The following GRIK1 variants were observed in gnomAD, a reference collection of about 807,000 sequenced individuals.
The protein encoded by GRIK1 is glutamate ionotropic receptor kainate type subunit 1.
Under a neutral mutation model 105.7 loss-of-function variants are expected in GRIK1, and 69 were observed. The ratio of observed to expected loss-of-function variants is 0.65; its 90% confidence interval spans 0.54 to 0.80. The LOEUF is 0.80. Ranked by LOEUF, GRIK1 falls within the 30% of genes least tolerant of loss-of-function variation. GRIK1 has a pLI of 0.00. For synonymous variants in GRIK1, 438 were observed against 431.3 expected (o/e 1.02, Z -0.19); for missense variants, 1,109 against 1,167.3 (o/e 0.95, Z 0.73).
chr21:29,725,087 C>T (rs917641310), intron 1 of GRIK1, among the ~76,000 whole-genome samples: 2 of 151,760 alleles, frequency 1.3e-5, no homozygotes, highest in African/African-American at 4.8e-5. Flanking sequence ...TGAGAGTCCA[C>T]TCAGTCAACG....
chr21:29,919,728 T>C (rs1213315045), intron 1 of GRIK1, among the ~76,000 whole-genome samples: 1 of 152,148 alleles, frequency 6.6e-6, no homozygotes, highest in Non-Finnish European at 1.5e-5. Flanking sequence ...TATTTTTAAA[T>C]GACTTCTGTA....
chr21:29,737,252 T>C (rs1188646772), intron 1 of GRIK1, among the ~76,000 whole-genome samples: 1 of 152,216 alleles, frequency 6.6e-6, no homozygotes, highest in Non-Finnish European at 1.5e-5. Context: ...CTCTAACATT[T>C]CTGCTTGAAG....
In GRIK1 at chr21:29,753,561, G is replaced by C. The variant is rs937637332; in HGVS notation, c.119-59498C>G. 2.6e-5 allele frequency among the ~76,000 whole-genome samples: 4 copies of C among 152,274 alleles called. No individual in the cohort carries two copies. In the East Asian group the frequency reaches 7.7e-4, roughly 29 times the overall value. ...TTAGCTACCATAAAATTGTCCCTGT[G>C]AAACCACAGAAAATTTTACCAACTC... On this transcript the variant is annotated intron_variant, in intron 1 of 17. Transcript: ENST00000327783.
intron 1 of GRIK1, among the ~76,000 whole-genome samples, chr21:29,707,194 T>C (rs1212425781): frequency 6.6e-6 from 1 of 152,134 alleles, no homozygotes; most frequent in Non-Finnish European, 1.5e-5. Context: ...CTGGTGTGTC[T>C]GATGTGTGTG....
At chr21:29,537,763 G>T (rs201946097) in intron 17 of GRIK1, 35 bp downstream of exon 17, 2 of 959,082 alleles carry the variant, frequency 2.1e-6, no homozygotes, top group Admixed American at 1.7e-5. Flanking sequence ...CAAGGCATAC[G>T]GACACTTCAG....
intron 1 of GRIK1, among the ~76,000 whole-genome samples, chr21:29,937,504 T>C (rs1353898811): frequency 1.3e-5 from 2 of 152,250 alleles, no homozygotes; most frequent in African/African-American, 4.8e-5. Flanking sequence ...ACGTAGATGA[T>C]TGTGATTGCT....
intron 16 of GRIK1, among the ~76,000 whole-genome samples, chr21:29,549,835 G>A (rs1384686021): frequency 3.3e-5 from 5 of 151,966 alleles, no homozygotes; most frequent in Non-Finnish European, 5.9e-5. Context: ...GGCTGGGCGC[G>A]GAGGCTTATG....
intron 1 of GRIK1, among the ~76,000 whole-genome samples, chr21:29,922,120 A>G (rs1395267658): frequency 6.6e-6 from 1 of 152,150 alleles, no homozygotes; most frequent in African/African-American, 2.4e-5. Flanking sequence ...ATGCAAGATC[A>G]CCATTAATCT....
At position 29,642,957 on chromosome 21, in the gene GRIK1, G is replaced by A. The variant is rs746073599; in HGVS notation, c.967C>T (p.Leu323=). 1 of 1,613,912 alleles carries A rather than the reference G, an allele frequency of 6.2e-7. No homozygotes were observed. The change falls in exon 7 of 18, where the codon CTG becomes TTG. Residue 323 remains leucine, a synonymous_variant. Transcript: ENST00000327783. ...LDGMMTTEAA[L]MYDAVYMVAI... ...ACCATGTACACAGCATCGTACATCA[G>A]AGCCGCTTCAGTCTGTGGAGGAAAA...
intron 7 of GRIK1, among the ~76,000 whole-genome samples, chr21:29,635,846 C>T (rs1426654760): frequency 6.6e-6 from 1 of 152,118 alleles, no homozygotes; most frequent in African/African-American, 2.4e-5. Flanking sequence ...TGTCAAGAGG[C>T]TGAGGAAACA....
At position 29,675,027 on chromosome 21, in the gene GRIK1, G is replaced by A. The variant is rs567270137; in HGVS notation, c.545-1863C>T. On this transcript the variant is annotated intron_variant, in intron 3 of 17. Coordinates refer to ENST00000327783, the MANE Select transcript of GRIK1 (RefSeq NM_001330994.2). ...TTAAAAATGAAACAAAATATAGAAC[G>A]TGGGTTCGTATATTTGTTATTTGTA... 3.3e-5 allele frequency among the ~76,000 whole-genome samples: 5 copies of A among 152,204 alleles called. No individual in the cohort carries two copies. The South Asian group carries it at 8.3e-4, about 25-fold the overall frequency.
intron 1 of GRIK1, among the ~76,000 whole-genome samples, chr21:29,817,007 A>T (rs186110538): frequency 2.2e-3 from 338 of 152,276 alleles, no homozygotes; most frequent in African/African-American, 7.7e-3. Context: ...TTTGATCATT[A>T]CGTATTGCAT....
chr21:29,771,297 A>G (rs1428078205), intron 1 of GRIK1, among the ~76,000 whole-genome samples: 22 of 152,236 alleles, frequency 1.4e-4, no homozygotes, highest in Admixed American at 1.4e-3. Flanking sequence ...CTTTATACAT[A>G]TATTTGGTAG....
At chr21:29,893,378 A>G (rs1295490044) in intron 1 of GRIK1, among the ~76,000 whole-genome samples, 1 of 152,200 alleles carries the variant, frequency 6.6e-6, no homozygotes, top group East Asian at 1.9e-4. Flanking sequence ...TCAAATCACT[A>G]TAGTGTGGTA....
intron 9 of GRIK1, among the ~76,000 whole-genome samples, chr21:29,593,052 C>A (rs1048648923): frequency 6.6e-6 from 1 of 152,186 alleles, no homozygotes; most frequent in African/African-American, 2.4e-5. Flanking sequence ...TTTAGCTTGA[C>A]AAATATCCCT....
intron 1 of GRIK1, among the ~76,000 whole-genome samples, chr21:29,751,553 G>C (rs1480929336): frequency 6.6e-6 from 1 of 152,094 alleles, no homozygotes; most frequent in East Asian, 1.9e-4. Flanking sequence ...TGTTATTATG[G>C]AGCCATCTCT....
At chr21:29,914,765 T>G (rs1280816552) in intron 1 of GRIK1, among the ~76,000 whole-genome samples, 1 of 152,150 alleles carries the variant, frequency 6.6e-6, no homozygotes, top group East Asian at 1.9e-4. Context: ...GCTTGGATCC[T>G]TAAGTCCCCA....
At chr21:29,905,830 G>GT (rs1956832490) in intron 1 of GRIK1, among the ~76,000 whole-genome samples, 2 of 152,182 alleles carry the variant, frequency 1.3e-5, no homozygotes, top group Middle Eastern at 3.4e-3. Flanking sequence ...ATTTTGCCAT[G>GT]TTGGCCAGGC....
chr21:29,537,491 G>T (rs895265803), intron 17 of GRIK1, 106 bp from the exon 18 acceptor site: 3 of 910,528 alleles, frequency 3.3e-6, no homozygotes, highest in Non-Finnish European at 5.0e-6. Flanking sequence ...TGGCTTGAAG[G>T]CAGCTCTGTC....
Sources: gnomAD v4.1 joint callset for allele counts (sites outside exome capture counted in the v4.1 genomes callset) on GRCh38, gnomAD v4.1.1 for gene constraint, MANE v1.5 for transcripts, NCBI Gene and HGNC (gene_info 2026-07-23, HGNC 2026-07-21) for gene names.